Variants in DEAF1 observed in about 807,000 individuals in gnomAD.
The protein encoded by DEAF1 is deformed epidermal autoregulatory factor 1 homolog.
DEAF1 carries 53 observed loss-of-function variants against 58.9 expected under a neutral mutation model. The ratio of observed to expected loss-of-function variants is 0.90; its 90% CI spans 0.72 to 1.13. DEAF1 has a LOEUF of 1.13. DEAF1 is among the 50% of genes most tolerant of loss of function. The pLI, the probability that DEAF1 is intolerant of heterozygous loss-of-function variation, is 0.00. For missense variants in DEAF1, 685 were observed against 791.4 expected, an observed-to-expected ratio of 0.87 and a Z score of 1.61; for synonymous variants, 385 against 340.4, an observed-to-expected ratio of 1.13 and a Z score of -1.44.
intron 9 of DEAF1, among the ~76,000 whole-genome samples, chr11:675,847 C>A (rs569448484): frequency 2.0e-5 from 3 of 151,774 alleles, no homozygotes; most frequent in Admixed American, 6.6e-5. Context: ...AAAACTCTCA[C>A]GCAATGTTGG....
chr11:648,840 C>A (rs1858621414), intron 11 of DEAF1, among the ~76,000 whole-genome samples: 1 of 152,064 alleles, frequency 6.6e-6, no homozygotes, highest in Non-Finnish European at 1.5e-5. Context: ...CACTAGAAAA[C>A]ACAACTAGAA....
At chr11:676,669 T>C (rs568061116) in intron 9 of DEAF1, among the ~76,000 whole-genome samples, 41 of 152,062 alleles carry the variant, frequency 2.7e-4, no homozygotes, top group South Asian at 1.9e-3. Context: ...CAGGCCTGGC[T>C]AATTTTGTAT....
upstream of DEAF1, among the ~76,000 whole-genome samples, chr11:696,254 A>G (rs1861151783): frequency 6.6e-6 from 1 of 151,938 alleles, no homozygotes; most frequent in African/African-American, 2.4e-5. Flanking sequence ...CTCGCCTCCG[A>G]GAGGAGGAAG....
At chr11:661,968 T>C (rs144671470) in intron 10 of DEAF1, among the ~76,000 whole-genome samples, 18 of 152,268 alleles carry the variant, frequency 1.2e-4, no homozygotes, top group African/African-American at 4.3e-4. Context: ...CAGGATGGCT[T>C]TGCATGAGGC....
chr11:670,535 C>A (rs1470762497), intron 10 of DEAF1, among the ~76,000 whole-genome samples: 2 of 151,288 alleles, frequency 1.3e-5, no homozygotes, highest in Admixed American at 1.3e-4. Flanking sequence ...GCCAACATGG[C>A]GAAACCTCTT....
At chr11:668,567 A>G (rs1859661304) in intron 10 of DEAF1, among the ~76,000 whole-genome samples, 3 of 152,144 alleles carry the variant, frequency 2.0e-5, no homozygotes, top group African/African-American at 7.2e-5. Flanking sequence ...TCATGCCTGT[A>G]ATCCCAGCAC....
At chr11:672,033 T>C (rs963989170) in intron 10 of DEAF1, among the ~76,000 whole-genome samples, 3 of 152,134 alleles carry the variant, frequency 2.0e-5, no homozygotes, top group Admixed American at 6.6e-5. Flanking sequence ...TCAATAGTCA[T>C]TGAGTGGTGT....
At chr11:664,161 C>T (rs978021152) in intron 10 of DEAF1, among the ~76,000 whole-genome samples, 6 of 151,030 alleles carry the variant, frequency 4.0e-5, no homozygotes, top group African/African-American at 9.8e-5. Context: ...TGCGGTGAGC[C>T]GAGATCACGC....
At chr11:704,062 A>G in intron 1 of DEAF1, 2 of 1,143,566 alleles carry the variant, frequency 1.7e-6, no homozygotes, top group Non-Finnish European at 2.2e-6. Flanking sequence ...GAATAATTAC[A>G]CCCAAATATC....
chr11:691,675 CA>C, intron 1 of DEAF1, 77 bp from the exon 2 acceptor site: 1 of 1,308,712 alleles, frequency 7.6e-7, no homozygotes, highest in Non-Finnish European at 1.1e-6. Context: ...TCAGGTGCTT[CA>C]AACAAAGTGA....
intron 11 of DEAF1, among the ~76,000 whole-genome samples, chr11:649,122 A>G (rs1042627264): frequency 6.6e-6 from 1 of 152,190 alleles, no homozygotes; most frequent in African/African-American, 2.4e-5. Context: ...ATGGTGGTGC[A>G]TGCCTGTAAT....
chr11:679,618 G>A, intron 8 of DEAF1, 70 bp downstream of exon 8: 6 of 1,598,948 alleles, frequency 3.8e-6, no homozygotes, highest in Middle Eastern at 3.3e-4. Context: ...GCCCAATGTG[G>A]CGTCGGGGAT....
intron 11 of DEAF1, among the ~76,000 whole-genome samples, chr11:648,122 A>C (rs1050940815): frequency 6.6e-6 from 1 of 151,954 alleles, no homozygotes; most frequent in African/African-American, 2.4e-5. Context: ...GGGGCTTCAT[A>C]ACATGCATAA....
intron 1 of DEAF1, 79 bp from the exon 2 acceptor site, chr11:691,677 A>T (rs1276951073): frequency 5.4e-6 from 7 of 1,284,600 alleles, no homozygotes; most frequent in Non-Finnish European, 7.7e-6. Context: ...AGGTGCTTCA[A>T]ACAAAGTGAC....
At chr11:657,287 C>T (rs1181274284) in intron 10 of DEAF1, among the ~76,000 whole-genome samples, 1 of 152,116 alleles carries the variant, frequency 6.6e-6, no homozygotes, top group African/African-American at 2.4e-5. Flanking sequence ...CAAGAGGAGG[C>T]TGGAGCACCC....
At chr11:652,833 C>T (rs1377321496) in intron 11 of DEAF1, among the ~76,000 whole-genome samples, 1 of 152,006 alleles carries the variant, frequency 6.6e-6, no homozygotes, top group East Asian at 1.9e-4. Context: ...CTCTAAATCC[C>T]AGCACTTTGG....
intron 10 of DEAF1, among the ~76,000 whole-genome samples, chr11:655,557 G>A (rs1158143711): frequency 2.6e-5 from 4 of 152,202 alleles, no homozygotes; most frequent in Admixed American, 1.3e-4. Flanking sequence ...GGGAGGGGCC[G>A]TGGCCAGTGG....
Position 644,531 on chromosome 11 carries a change from C to G in DEAF1, c.*19G>C. On this transcript the variant is annotated 3_prime_UTR_variant, in exon 12 of 12. Transcript: ENST00000382409. This position sits in a 1 kb window ranked among gnomAD's most constrained non-coding sequence, Gnocchi z 4.3. ...CAGGAGTGCGAGGGGCCCCAGCTCC[C>G]AGGGCGGCCGATGGAGCCTCACACG... is the stretch of plus-strand genomic sequence containing the variant. 6.2e-7 allele frequency: 1 copy of G among 1,607,228 alleles called. No individual in the cohort carries two copies. The highest frequency in any genetic ancestry group is 8.5e-7 in the Non-Finnish European group (1 of 1,177,062).
Position 686,995 on chromosome 11 carries a change from C to T in DEAF1, c.667G>A (p.Gly223Ser), listed in dbSNP as rs1057518811. Reference protein sequence around the residue: ...TLYKNRLGSGGRGRCIKQGEN... With the variant: ...TLYKNRLGSGSRGRCIKQGEN... Reference sequence around the variant, plus strand: ...CCCTGCTTGATGCACCGTCCCCGGCCGCCTGCAAGGAAGGGCAGCAGTCAT... The same window carrying T: ...CCCTGCTTGATGCACCGTCCCCGGCTGCCTGCAAGGAAGGGCAGCAGTCAT... The change falls in exon 5 of 12, where the codon GGC becomes AGC. Residue 223 changes from glycine to serine, a missense_variant and splice_region_variant. Gly to Ser is a moderately conservative substitution (Grantham distance 56, BLOSUM62 0). Coordinates refer to ENST00000382409, the MANE Select transcript of DEAF1 (RefSeq NM_021008.4). 26 of 1,613,986 alleles carry T rather than the reference C, an allele frequency of 1.6e-5. No individual in the cohort carries two copies. The highest frequency in any genetic ancestry group is 4.0e-5 in the African/African-American group (3 of 74,946).
Sources: gnomAD v4.1 joint callset for allele counts (sites outside exome capture counted in the v4.1 genomes callset) on GRCh38, gnomAD v4.1.1 for gene constraint, Gnocchi (gnomAD v3.1) non-coding constraint, MANE v1.5 for transcripts, NCBI Gene and HGNC (gene_info 2026-07-23, HGNC 2026-07-21) for gene names.